Variants in KDM2A observed in about 807,000 individuals in gnomAD.
The protein encoded by KDM2A is lysine-specific demethylase 2A.
A neutral mutation model predicts 137.3 loss-of-function variants in KDM2A; 3 were observed. The ratio of observed to expected loss-of-function variants is 0.02; its 90% CI spans 0.01 to 0.06. The LOEUF (loss-of-function observed/expected upper bound fraction) is 0.06. Ranked by LOEUF, KDM2A falls within the 10% of genes least tolerant of loss-of-function variation. The pLI is 1.00. For missense variants in KDM2A, 738 were observed against 1,510.6 expected, an observed-to-expected ratio of 0.49 and a Z score of 8.48; for synonymous variants, 512 against 541.5, an observed-to-expected ratio of 0.95 and a Z score of 0.76.
chr11:67,186,824 T>C (rs2136343632), intron 5 of KDM2A, among the ~76,000 whole-genome samples: 1 of 152,318 alleles, frequency 6.6e-6, no homozygotes, highest in South Asian at 2.1e-4. Context: ...TCCCAGCTAC[T>C]CAGTAGGCTG....
intron 2 of KDM2A, among the ~76,000 whole-genome samples, chr11:67,163,808 A>G (rs1481580150): frequency 1.3e-5 from 2 of 151,830 alleles, no homozygotes; most frequent in Non-Finnish European, 2.9e-5. Flanking sequence ...GTGAGCCGAG[A>G]TAGCACCACT....
intron 2 of KDM2A, among the ~76,000 whole-genome samples, chr11:67,152,006 T>G (rs1483261498): frequency 3.9e-5 from 6 of 152,170 alleles, no homozygotes; most frequent in Non-Finnish European, 8.8e-5. Flanking sequence ...CTGGGTTAAA[T>G]AAAATATATT....
At chr11:67,222,264 T>G (rs1858384808) in intron 10 of KDM2A, among the ~76,000 whole-genome samples, 2 of 89,928 alleles carry the variant, frequency 2.2e-5, no homozygotes, top group Non-Finnish European at 4.4e-5. Context: ...GATTAGGGAT[T>G]GGTGATGACT....
chr11:67,135,357 C>T (rs936232190), intron 2 of KDM2A, among the ~76,000 whole-genome samples: 1 of 152,140 alleles, frequency 6.6e-6, no homozygotes, highest in Non-Finnish European at 1.5e-5. Flanking sequence ...AGCCACCGCG[C>T]CCAGCACAGA....
chr11:67,204,863 A>G lies in KDM2A; in HGVS notation c.308-2647A>G, dbSNP rs376769126. On this transcript the variant is annotated intron_variant, in intron 5 of 20. Coordinates refer to ENST00000529006, the MANE Select transcript of KDM2A (RefSeq NM_012308.3). ...ACTTCATTCCTTTTTATGGTCGACT[A>G]TTTCCTTGTATGGATCAACCACATT... Among the ~76,000 whole-genome samples, 150 of 152,178 alleles carry G rather than the reference A, an allele frequency of 9.9e-4. 4 individuals carry two copies. In the South Asian group the frequency reaches 0.028, roughly 28 times the overall value.
At chr11:67,199,476 TAAGA>T (rs1464083747) in intron 5 of KDM2A, among the ~76,000 whole-genome samples, 7 of 152,190 alleles carry the variant, frequency 4.6e-5, no homozygotes, top group Non-Finnish European at 1.0e-4. Context: ...AACATGGGGA[TAAGA>T]AAGAAAAACA....
At chr11:67,120,265 C>A (rs147946478) in intron 1 of KDM2A, among the ~76,000 whole-genome samples, 10 of 152,202 alleles carry the variant, frequency 6.6e-5, no homozygotes, top group Non-Finnish European at 1.5e-4. Context: ...GTTTCCCTCC[C>A]GACTTCGGGC....
At position 67,250,420 on chromosome 11, in the gene KDM2A, C is replaced by T. The variant is rs1248894644; in HGVS notation, c.2390C>T (p.Ser797Leu). 5.0e-6 allele frequency: 8 copies of T among 1,613,962 alleles called. No individual in the cohort carries two copies. The highest frequency in any genetic ancestry group is 1.6e-4 in the Middle Eastern group (1 of 6,084). Residue 797 changes from serine (S) to leucine (L), a missense_variant, in exon 17 of 21, where the codon TCG becomes TTG. This residue lies in a region of KDM2A where 244 missense variants were observed against 324.6 expected (regional missense o/e 0.75). Coordinates refer to ENST00000529006, the MANE Select transcript of KDM2A (RefSeq NM_012308.3). The surrounding 1 kb of genome is among the most constrained non-coding windows in gnomAD (Gnocchi z 7.1). ...SEVEKAKIRG[S>L]YLTVTLQRPT... ...GTTGAGAAAGCCAAGATCCGGGGAT[C>T]GTACCTCACTGTCACGCTACAGAGG...
chr11:67,252,088 G>T (rs765462803), intron 17 of KDM2A, among the ~76,000 whole-genome samples: 2 of 152,142 alleles, frequency 1.3e-5, no homozygotes, highest in African/African-American at 4.8e-5. Context: ...TTTCAGTTCT[G>T]GTCTGGCCTG....
intron 2 of KDM2A, among the ~76,000 whole-genome samples, chr11:67,122,757 G>C (rs747134954): frequency 1.3e-5 from 2 of 150,606 alleles, no homozygotes; most frequent in African/African-American, 2.4e-5. Flanking sequence ...CTCACTGCAC[G>C]CTCCGCCTCC....
In KDM2A at chr11:67,254,923, C is replaced by G. The variant is rs1347473690; in HGVS notation, c.3357C>G (p.Ala1119=). The G allele has an allele frequency of 1.2e-6, 2 of 1,613,876 alleles. No homozygotes were observed. Among genetic ancestry groups the G allele is most frequent in the Admixed American group, 1.7e-5 (1 of 60,012 alleles). The stretch of plus-strand genomic sequence containing the variant: ...CCCTGATCTACCTACGGCGCATTGC[C>G]AACGTCACCTTGATCGACCTTCGAG... ...DQTLIYLRRI[A]NVTLIDLRGC... Residue 1119 remains alanine, a synonymous_variant, in exon 21 of 21, where the codon GCC becomes GCG. Coordinates refer to ENST00000529006, the MANE Select transcript of KDM2A (RefSeq NM_012308.3). The surrounding 1 kb of genome is among the most constrained non-coding windows in gnomAD (Gnocchi z 4.7).
In KDM2A at chr11:67,220,335, A is replaced by G. The variant is rs1858308429; in HGVS notation, c.957+932A>G. Among the ~76,000 whole-genome samples, 4 of 152,202 alleles carry G rather than the reference A, an allele frequency of 2.6e-5. No individual in the cohort carries two copies. The South Asian group carries it at 6.2e-4, about 24-fold the overall frequency. ...CAGTATCTTGGATTTTTATAAGGCCAGACATTTACCTCTGGTAATCTCTTG... is the reference window on the plus strand; with the variant it reads ...CAGTATCTTGGATTTTTATAAGGCCGGACATTTACCTCTGGTAATCTCTTG... On this transcript the variant is annotated intron_variant, in intron 10 of 20. Coordinates refer to ENST00000529006, the MANE Select transcript of KDM2A (RefSeq NM_012308.3).
chr11:67,194,633 A>G (rs186266710), intron 5 of KDM2A, among the ~76,000 whole-genome samples: 92 of 152,354 alleles, frequency 6.0e-4, no homozygotes, highest in Admixed American at 1.0e-3. Flanking sequence ...ATTGCCTAGT[A>G]AAAAATAGAG....
intron 9 of KDM2A, among the ~76,000 whole-genome samples, chr11:67,218,693 CTCCCAGG>C (rs1720539151): frequency 6.6e-6 from 1 of 152,182 alleles, no homozygotes; most frequent in African/African-American, 2.4e-5. Context: ...CAACCTCCAC[CTCCCAGG>C]TCCCAGTTCA....
At chr11:67,122,021 A>C (rs1243356175) in intron 2 of KDM2A, among the ~76,000 whole-genome samples, 1 of 152,220 alleles carries the variant, frequency 6.6e-6, no homozygotes, top group Non-Finnish European at 1.5e-5. Flanking sequence ...CTTTCCTCGT[A>C]AGGTTTCCCT....
At chr11:67,223,131 G>A (rs140089756) in intron 10 of KDM2A, among the ~76,000 whole-genome samples, 1,930 of 150,570 alleles carry the variant, frequency 0.013, 46 homozygotes, top group African/African-American at 0.046. Context: ...GGCGGAGGTT[G>A]CAGTGAGCCA....
At chr11:67,223,583 A>AT (rs1341645594) in intron 10 of KDM2A, among the ~76,000 whole-genome samples, 1 of 151,464 alleles carries the variant, frequency 6.6e-6, no homozygotes, top group East Asian at 1.9e-4. Flanking sequence ...TTTTATTTTT[A>AT]TTTTTTTGTA....
chr11:67,225,939 C>A (rs897013228), intron 10 of KDM2A, among the ~76,000 whole-genome samples: 5 of 152,106 alleles, frequency 3.3e-5, no homozygotes, highest in African/African-American at 1.2e-4. Flanking sequence ...GTGGTGCACA[C>A]CTGTAATCCC....
Position 67,213,064 on chromosome 11 carries a change from G to A in KDM2A, c.487-2276G>A, listed in dbSNP as rs1858040435. 2.0e-5 allele frequency among the ~76,000 whole-genome samples: 3 copies of A among 152,198 alleles called. No individual in the cohort carries two copies. The South Asian group carries it at 6.2e-4, about 32-fold the overall frequency. On this transcript the variant is annotated intron_variant, in intron 6 of 20. Transcript: ENST00000529006. ...GAAATTCTTTGAAATGGAACAGCAG[G>A]TTAACCTTAACCGTTGCTCCTCATC...
Sources: gnomAD v4.1 joint callset for allele counts (sites outside exome capture counted in the v4.1 genomes callset) on GRCh38, gnomAD v4.1.1 for gene constraint, gnomAD v4.1.1 regional missense constraint, Gnocchi (gnomAD v3.1) non-coding constraint, MANE v1.5 for transcripts, NCBI Gene and HGNC (gene_info 2026-07-23, HGNC 2026-07-21) for gene names.